Variants in CSMD1 observed in about 807,000 individuals in gnomAD.
CSMD1 encodes the protein CUB and Sushi multiple domains 1.
In CSMD1, 213 loss-of-function variants were observed where a neutral mutation model predicts 417.5. That is an observed-to-expected ratio of 0.51 (90% confidence interval 0.46 to 0.57). The LOEUF is 0.57. Among genes scored for constraint, CSMD1 ranks in the 20% least tolerant of loss-of-function variants. The pLI is 0.00. For missense variants in CSMD1, 6,923 were observed against 4,529.7 expected, an observed-to-expected ratio of 1.53 and a Z score of -15.17; for synonymous variants, 2,862 against 1,736.8, an observed-to-expected ratio of 1.65 and a Z score of -16.11.
chr8:3,913,964 A>G (rs1315736057), intron 5 of CSMD1, among the ~76,000 whole-genome samples: 1 of 152,152 alleles, frequency 6.6e-6, no homozygotes, highest in Non-Finnish European at 1.5e-5. Flanking sequence ...CAGATAAAGG[A>G]AAGTACTTTA....
At chr8:2,968,355 A>G (rs184772700) in intron 57 of CSMD1, among the ~76,000 whole-genome samples, 1 of 152,356 alleles carries the variant, frequency 6.6e-6, no homozygotes, top group East Asian at 1.9e-4. Flanking sequence ...TATTCTAATT[A>G]CATTTGCTAT....
At chr8:4,180,700 T>G (rs1798318510) in intron 3 of CSMD1, among the ~76,000 whole-genome samples, 1 of 152,166 alleles carries the variant, frequency 6.6e-6, no homozygotes, top group Admixed American at 6.5e-5. Flanking sequence ...GCTCACTGGT[T>G]GTCATGGAAC....
At chr8:3,369,130 C>A (rs1021630577) in intron 19 of CSMD1, 124 bp downstream of exon 19, 1 of 547,922 alleles carries the variant, frequency 1.8e-6, no homozygotes, top group Non-Finnish European at 3.3e-6. Context: ...AAGTTAAAAT[C>A]TTGAACTATA....
At chr8:4,792,084 T>G (rs1370254219) in intron 1 of CSMD1, among the ~76,000 whole-genome samples, 1 of 152,172 alleles carries the variant, frequency 6.6e-6, no homozygotes, top group African/African-American at 2.4e-5. Context: ...CTTTAATTCT[T>G]TCTATATGGA....
At chr8:4,887,419 T>A (rs1390584030) in intron 1 of CSMD1, among the ~76,000 whole-genome samples, 1 of 152,072 alleles carries the variant, frequency 6.6e-6, no homozygotes, top group Non-Finnish European at 1.5e-5. Flanking sequence ...CATCTGCAAA[T>A]GAGAACCGAG....
chr8:3,398,351 A>G (rs1192874085), intron 16 of CSMD1, among the ~76,000 whole-genome samples: 2 of 152,194 alleles, frequency 1.3e-5, no homozygotes, highest in Admixed American at 1.3e-4. Flanking sequence ...GGATTTATAA[A>G]CAACTTTTTT....
chr8:4,357,227 C>T (rs546110897), intron 3 of CSMD1, among the ~76,000 whole-genome samples: 1 of 152,080 alleles, frequency 6.6e-6, no homozygotes, highest in East Asian at 1.9e-4. Context: ...GTTGAAAGAG[C>T]CTCTTACGTG....
chr8:3,554,045 G>C (rs1422423723), intron 10 of CSMD1, among the ~76,000 whole-genome samples: 2 of 152,160 alleles, frequency 1.3e-5, no homozygotes, highest in Non-Finnish European at 2.9e-5. Flanking sequence ...TTATAGTTTT[G>C]AAAGATGGGA....
At chr8:4,660,235 A>T (rs978175794) in intron 1 of CSMD1, among the ~76,000 whole-genome samples, 2 of 152,100 alleles carry the variant, frequency 1.3e-5, no homozygotes, top group African/African-American at 4.8e-5. Flanking sequence ...TCTACCAAGA[A>T]ATTCCCATAA....
At chr8:3,709,209 A>G (rs1267385401) in intron 6 of CSMD1, among the ~76,000 whole-genome samples, 2 of 147,518 alleles carry the variant, frequency 1.4e-5, no homozygotes, top group East Asian at 2.0e-4. Context: ...TTGTGATTAT[A>G]GAATATAAAA....
intron 2 of CSMD1, among the ~76,000 whole-genome samples, chr8:4,556,722 A>G (rs767942009): frequency 5.9e-5 from 9 of 152,208 alleles, no homozygotes; most frequent in Non-Finnish European, 1.2e-4. Flanking sequence ...GCCACAAAAT[A>G]TTCACAAGAT....
chr8:3,487,444 G>A (rs1396714692), intron 11 of CSMD1, among the ~76,000 whole-genome samples: 6 of 152,206 alleles, frequency 3.9e-5, no homozygotes, highest in Admixed American at 1.3e-4. Context: ...CTCGTGATCT[G>A]CCCGCCTCGG....
chr8:3,929,146 C>T (rs918688565), intron 5 of CSMD1, among the ~76,000 whole-genome samples: 1 of 150,076 alleles, frequency 6.7e-6, no homozygotes, highest in Non-Finnish European at 1.5e-5. Flanking sequence ...TTTCTACTGC[C>T]CCCTCTGGAA....
At chr8:3,481,942 T>C (rs1490681194) in intron 11 of CSMD1, among the ~76,000 whole-genome samples, 3 of 152,302 alleles carry the variant, frequency 2.0e-5, no homozygotes, top group East Asian at 1.9e-4. Flanking sequence ...GAATATTCTA[T>C]AGTAACAGTA....
At chr8:3,430,231 C>G (rs1288866463) in intron 12 of CSMD1, among the ~76,000 whole-genome samples, 1 of 152,026 alleles carries the variant, frequency 6.6e-6, no homozygotes, top group Non-Finnish European at 1.5e-5. Context: ...GGACTATCTG[C>G]TATAAGGGAG....
At position 3,998,011 on chromosome 8, in the gene CSMD1, G is replaced by A. The variant is rs573136534; in HGVS notation, c.710C>T (p.Thr237Ile). ...EYENNADCTW[T>I]ILAEPGDTIA... ...GGTGTCCCCGGGCTCAGCCAGAATGGTCCAGGTGCAGTCCGCGTTGTTCTC... is the reference window on the plus strand; with the variant it reads ...GGTGTCCCCGGGCTCAGCCAGAATGATCCAGGTGCAGTCCGCGTTGTTCTC... The change falls in exon 5 of 70, where the codon ACC (threonine) becomes ATC (isoleucine). Residue 237 changes from threonine to isoleucine, a missense_variant. By Grantham distance (89) the Thr-to-Ile change is moderately conservative. Coordinates refer to ENST00000635120, the MANE Select transcript of CSMD1 (RefSeq NM_033225.6). 50 of 1,609,238 alleles carry A rather than the reference G, an allele frequency of 3.1e-5. No individual in the cohort carries two copies. In the South Asian group the frequency reaches 3.9e-4, roughly 13 times the overall value.
intron 41 of CSMD1, among the ~76,000 whole-genome samples, chr8:3,137,270 A>G (rs1818157485): frequency 6.6e-6 from 1 of 152,234 alleles, no homozygotes; most frequent in Non-Finnish European, 1.5e-5. Flanking sequence ...CGTAGGGACT[A>G]AAAATTGATT....
At chr8:4,961,455 C>T (rs1563877112) in intron 1 of CSMD1, among the ~76,000 whole-genome samples, 1 of 152,102 alleles carries the variant, frequency 6.6e-6, no homozygotes, top group South Asian at 2.1e-4. Flanking sequence ...AGTTGATTTC[C>T]TCAATACAGT....
At chr8:2,990,949 C>T (rs1280527426) in intron 54 of CSMD1, among the ~76,000 whole-genome samples, 1 of 152,344 alleles carries the variant, frequency 6.6e-6, no homozygotes, top group African/African-American at 2.4e-5. Flanking sequence ...CCGCCTTTCC[C>T]ACATTTCAAT....
Sources: allele counts gnomAD v4.1 joint callset (sites outside exome capture counted in the v4.1 genomes callset), GRCh38; gene constraint gnomAD v4.1.1; transcripts MANE v1.5; gene names NCBI Gene and HGNC (gene_info 2026-07-23, HGNC 2026-07-21).